Variants in LTBP1 observed in about 807,000 individuals in gnomAD.
LTBP1 encodes the protein latent-transforming growth factor beta-binding protein 1.
In LTBP1, 129 loss-of-function variants were observed where a neutral mutation model predicts 207.6. That is an observed-to-expected ratio of 0.62 (90% CI 0.54 to 0.72). The LOEUF is 0.72. Among genes scored for constraint, LTBP1 ranks in the 30% least tolerant of loss-of-function variants. The pLI, the probability that LTBP1 is intolerant of heterozygous loss-of-function variation, is 0.00. For synonymous variants in LTBP1, 963 were observed against 833.7 expected, an observed-to-expected ratio of 1.16 and a Z score of -2.67; for missense variants, 2,281 against 2,217.2, an observed-to-expected ratio of 1.03 and a Z score of -0.58.
At chr2:33,170,845 C>T (rs2085368996) in intron 5 of LTBP1, among the ~76,000 whole-genome samples, 2 of 151,938 alleles carry the variant, frequency 1.3e-5, no homozygotes, top group African/African-American at 2.4e-5. Context: ...GCAGCATTCG[C>T]GGTTCACGAA....
chr2:33,349,064 T>G (rs1244751781), intron 26 of LTBP1, among the ~76,000 whole-genome samples: 2 of 152,162 alleles, frequency 1.3e-5, no homozygotes, highest in Non-Finnish European at 2.9e-5. Flanking sequence ...TTCATCAGAG[T>G]CAATAATTGA....
intron 2 of LTBP1, among the ~76,000 whole-genome samples, chr2:32,989,471 C>A (rs1365749208): frequency 1.3e-5 from 2 of 152,018 alleles, no homozygotes; most frequent in Non-Finnish European, 2.9e-5. Context: ...TGAGTTAGAC[C>A]TTTTTTTGGG....
chr2:33,141,654 G>A (rs1349348677), intron 5 of LTBP1, among the ~76,000 whole-genome samples: 1 of 152,134 alleles, frequency 6.6e-6, no homozygotes, highest in Non-Finnish European at 1.5e-5. Flanking sequence ...GGAATGCAGG[G>A]CTGTCTGATG....
chr2:33,359,894 G>A (rs546275721), intron 26 of LTBP1, among the ~76,000 whole-genome samples: 28 of 152,200 alleles, frequency 1.8e-4, no homozygotes, highest in Middle Eastern at 3.4e-3. Context: ...CTTTCATATC[G>A]CCTTGTTCGT....
chr2:33,105,399 G>C (rs2080003558), intron 3 of LTBP1, among the ~76,000 whole-genome samples: 2 of 151,286 alleles, frequency 1.3e-5, no homozygotes, highest in African/African-American at 4.8e-5. Flanking sequence ...GCTCGAAAAT[G>C]CTAATGATCA....
intron 31 of LTBP1, among the ~76,000 whole-genome samples, chr2:33,388,977 A>G (rs2095291506): frequency 1.3e-5 from 2 of 152,156 alleles, no homozygotes; most frequent in Non-Finnish European, 2.9e-5. Flanking sequence ...TGGAACCTTA[A>G]TTATGCTGTA....
chr2:33,266,568 A>T (rs549641799), intron 15 of LTBP1, among the ~76,000 whole-genome samples: 1 of 152,090 alleles, frequency 6.6e-6, no homozygotes, highest in Non-Finnish European at 1.5e-5. Flanking sequence ...TAGGCCCTCC[A>T]TGATCACCCA....
intron 7 of LTBP1, among the ~76,000 whole-genome samples, chr2:33,195,319 G>GATGCCA (rs2088423431): frequency 6.6e-6 from 1 of 152,168 alleles, no homozygotes; most frequent in Non-Finnish European, 1.5e-5. Context: ...TCTGGAAAGA[G>GATGCCA]TTTGCCATTC....
intron 2 of LTBP1, among the ~76,000 whole-genome samples, chr2:32,962,840 C>G (rs939831612): frequency 1.3e-5 from 2 of 152,248 alleles, no homozygotes; most frequent in Non-Finnish European, 2.9e-5. Flanking sequence ...AATGCAAACT[C>G]TCCAGCCCTG....
intron 26 of LTBP1, among the ~76,000 whole-genome samples, chr2:33,353,358 C>G (rs916585204): frequency 1.2e-4 from 18 of 152,254 alleles, no homozygotes; most frequent in Middle Eastern, 3.4e-3. Flanking sequence ...ACACATTCCC[C>G]AAATCCCCAA....
chr2:33,037,960 C>T (rs35434665), intron 3 of LTBP1, among the ~76,000 whole-genome samples: 2 of 152,164 alleles, frequency 1.3e-5, no homozygotes, highest in Non-Finnish European at 2.9e-5. Flanking sequence ...CTCAAGCAGT[C>T]CCCCTGCCTT....
chr2:33,213,948 C>A (rs1180399529), intron 7 of LTBP1, among the ~76,000 whole-genome samples: 1 of 152,166 alleles, frequency 6.6e-6, no homozygotes, highest in African/African-American at 2.4e-5. Context: ...AACCTTGTAC[C>A]TTTCTGGAGG....
At chr2:32,960,434 TGG>T (rs1558439946) in intron 2 of LTBP1, among the ~76,000 whole-genome samples, 1 of 152,036 alleles carries the variant, frequency 6.6e-6, no homozygotes, top group Admixed American at 6.6e-5. Context: ...AATGAATGAA[TGG>T]ATTGATTTGT....
At chr2:33,258,010 C>G (rs2092910111) in intron 12 of LTBP1, among the ~76,000 whole-genome samples, 2 of 152,190 alleles carry the variant, frequency 1.3e-5, no homozygotes, top group Admixed American at 1.3e-4. Flanking sequence ...TCCATTTACC[C>G]TCTGAGAAAC....
At chr2:33,217,735 T>A in intron 8 of LTBP1, 81 bp downstream of exon 8, 1 of 961,056 alleles carries the variant, frequency 1.0e-6, no homozygotes. Context: ...GATGAGGCAA[T>A]ATTAGACTTT....
chr2:33,128,156 C>T (rs1346968685), intron 4 of LTBP1, among the ~76,000 whole-genome samples: 1 of 152,112 alleles, frequency 6.6e-6, no homozygotes, highest in East Asian at 1.9e-4. Context: ...AGATATCTAT[C>T]ATTTAGTCAG....
At chr2:33,354,681 TATAC>T (rs1465932186) in intron 26 of LTBP1, among the ~76,000 whole-genome samples, 19 of 109,582 alleles carry the variant, frequency 1.7e-4, no homozygotes, top group Middle Eastern at 4.9e-3. Flanking sequence ...AAACTAAAAC[TATAC>T]ACACACACAC....
intron 5 of LTBP1, among the ~76,000 whole-genome samples, chr2:33,138,650 A>G (rs1379564285): frequency 1.3e-5 from 2 of 152,194 alleles, no homozygotes; most frequent in Non-Finnish European, 2.9e-5. Flanking sequence ...CAAGAAGAAC[A>G]TATAAATTCG....
At chr2:33,236,130 A>T (rs1346323877) in intron 9 of LTBP1, among the ~76,000 whole-genome samples, 1 of 152,258 alleles carries the variant, frequency 6.6e-6, no homozygotes, top group Non-Finnish European at 1.5e-5. Flanking sequence ...AACAGGTAAG[A>T]ACTAAGACTG....
Sources: gnomAD v4.1 joint callset for allele counts (sites outside exome capture counted in the v4.1 genomes callset) on GRCh38, gnomAD v4.1.1 for gene constraint, MANE v1.5 for transcripts, NCBI Gene and HGNC (gene_info 2026-07-23, HGNC 2026-07-21) for gene names.